The following ZFYVE9 variants were observed in gnomAD, a reference collection of about 807,000 sequenced individuals.
ZFYVE9 encodes the protein zinc finger FYVE domain-containing protein 9.
Under a neutral mutation model 126.7 loss-of-function variants are expected in ZFYVE9, and 43 were observed. That is an observed-to-expected ratio of 0.34 (90% CI 0.27 to 0.44). The LOEUF (loss-of-function observed/expected upper bound fraction) is 0.44, where lower values mean the gene tolerates loss of function less well. Among genes scored for constraint, ZFYVE9 ranks in the 20% least tolerant of loss-of-function variants. The pLI is 1.00. For missense variants in ZFYVE9, 1,476 were observed against 1,697.0 expected, an observed-to-expected ratio of 0.87 and a Z score of 2.29; for synonymous variants, 521 against 597.4, an observed-to-expected ratio of 0.87 and a Z score of 1.87.
Position 52,239,343 on chromosome 1 carries a change from C to T in ZFYVE9, c.1926C>T (p.Val642=), listed in dbSNP as rs146046897. Reference sequence around the variant, plus strand: ...CATCTTTGGGAAACATCTCTAATGTCGATACAAATGGGGAACATTTAGAAA... The same window carrying T: ...CATCTTTGGGAAACATCTCTAATGTTGATACAAATGGGGAACATTTAGAAA... ...CSPSLGNISN[V]DTNGEHLESY... The change falls in exon 4 of 19, where the codon GTC becomes GTT. Residue 642 remains valine (V), a synonymous_variant. Transcript: ENST00000287727. The T allele has an allele frequency of 6.8e-5, 109 of 1,614,146 alleles. No homozygotes were observed. The highest frequency in any genetic ancestry group is 1.9e-4 in the South Asian group (17 of 91,080).
rs772015133 is a variant in ZFYVE9 at position 52,237,671 on chromosome 1, A to T, written c.254A>T (p.Glu85Val). 1.9e-6 allele frequency: 3 copies of T among 1,613,978 alleles called. No homozygotes were observed. The highest frequency in any genetic ancestry group is 4.5e-5 in the East Asian group (2 of 44,894). ...TCAGCTCCCCTGACCACAGAGGAAG[A>T]GGATCACTGTGCTAATGGACAGGAC... ...AHSAPLTTEE[E>V]DHCANGQDCN... The change falls in exon 4 of 19, where the codon GAG (glutamate) becomes GTG (valine). Residue 85 changes from glutamate (E) to valine (V), a missense_variant. Coordinates refer to ENST00000287727, the MANE Select transcript of ZFYVE9 (RefSeq NM_004799.4).
intron 1 of ZFYVE9, chr1:52,150,346 T>C (rs934512323): frequency 2.8e-4 from 42 of 152,320 alleles, no homozygotes; most frequent in African/African-American, 9.6e-4. Flanking sequence ...ACTCCCATGC[T>C]GATCAGTAGT....
intron 15 of ZFYVE9, among the ~76,000 whole-genome samples, chr1:52,336,902 G>A (rs1007214508): frequency 2.8e-5 from 4 of 140,970 alleles, no homozygotes; most frequent in African/African-American, 5.4e-5. Flanking sequence ...CATTATGATC[G>A]TCCCTGTGAA....
At chr1:52,207,026 G>T (rs1644984968) in intron 1 of ZFYVE9, among the ~76,000 whole-genome samples, 1 of 152,350 alleles carries the variant, frequency 6.6e-6, no homozygotes, top group Admixed American at 6.5e-5. Flanking sequence ...GGTGTACTCA[G>T]TTCCATTCAA....
chr1:52,255,938 C>CTTTTCTTTTCTTTTCTT (rs1209126375), intron 4 of ZFYVE9, among the ~76,000 whole-genome samples: 22 of 124,292 alleles, frequency 1.8e-4, no homozygotes, highest in African/African-American at 8.3e-4. Flanking sequence ...CTTTTCTTTT[C>CTTTTCTTTTCTTTTCTT]TTTTCTTTTC....
intron 1 of ZFYVE9, among the ~76,000 whole-genome samples, chr1:52,186,783 A>T (rs1048277252): frequency 1.3e-5 from 2 of 152,204 alleles, no homozygotes; most frequent in Non-Finnish European, 2.9e-5. Flanking sequence ...GATCTCTACA[A>T]TGAGAATTAC....
chr1:52,182,173 G>A (rs562846441), intron 1 of ZFYVE9, among the ~76,000 whole-genome samples: 1 of 152,200 alleles, frequency 6.6e-6, no homozygotes, highest in South Asian at 2.1e-4. Context: ...GGGGAGGTGA[G>A]GGGCGCCTCT....
chr1:52,215,394 T>C (rs112832789), intron 1 of ZFYVE9, among the ~76,000 whole-genome samples: 4 of 152,196 alleles, frequency 2.6e-5, no homozygotes, highest in Non-Finnish European at 4.4e-5. Context: ...TTATTCTTCA[T>C]TGGGTCTTGG....
chr1:52,148,612 A>G (rs1020267160), intron 1 of ZFYVE9, among the ~76,000 whole-genome samples: 20 of 152,060 alleles, frequency 1.3e-4, no homozygotes, highest in African/African-American at 4.8e-4. Context: ...TCAGCTGTAT[A>G]AAAGGCTGTC....
chr1:52,301,438 G>C (rs1228405413), intron 12 of ZFYVE9, among the ~76,000 whole-genome samples: 1 of 151,574 alleles, frequency 6.6e-6, no homozygotes, highest in Non-Finnish European at 1.5e-5. Flanking sequence ...AAGTAGCTGG[G>C]ACTACAGGTA....
At chr1:52,186,809 G>T (rs1370339355) in intron 1 of ZFYVE9, among the ~76,000 whole-genome samples, 1 of 152,088 alleles carries the variant, frequency 6.6e-6, no homozygotes, top group African/African-American at 2.4e-5. Flanking sequence ...ATTGCTCAAA[G>T]AAATCAGAGA....
intron 10 of ZFYVE9, among the ~76,000 whole-genome samples, chr1:52,286,095 G>T (rs940270012): frequency 6.6e-6 from 1 of 151,640 alleles, no homozygotes; most frequent in African/African-American, 2.4e-5. Context: ...GGCAGAGGTT[G>T]CAGTGAGCCA....
At position 52,331,773 on chromosome 1, in the gene ZFYVE9, C is replaced by CTT. The variant is rs1172492745; in HGVS notation, c.3439-982_3439-981dup. 8.7e-4 allele frequency among the ~76,000 whole-genome samples: 116 copies of CTT among 132,758 alleles called. 2 individuals are homozygous for CTT. Among genetic ancestry groups the CTT allele is most frequent in the African/African-American group, 2.3e-3 (82 of 36,362 alleles). The allele number at this position is 132,758 out of a possible 152,430, so 87.1% of individuals were successfully genotyped here. On this transcript the variant is annotated intron_variant, in intron 13 of 18. Coordinates refer to ENST00000287727, the MANE Select transcript of ZFYVE9 (RefSeq NM_004799.4). Reference sequence around the variant, plus strand: ...TCTCAAAAAAAAAAGGTGTCAAACTCTTTTTTTTTTTTTTATTTTTTTTTG... The same window carrying CTT: ...TCTCAAAAAAAAAAGGTGTCAAACTCTTTTTTTTTTTTTTTTATTTTTTTTTG...
chr1:52,176,845 A>G (rs772502473), intron 1 of ZFYVE9, among the ~76,000 whole-genome samples: 3 of 152,156 alleles, frequency 2.0e-5, no homozygotes, highest in Non-Finnish European at 2.9e-5. Flanking sequence ...GCCCGTCAGA[A>G]AAGCGCAGTA....
chr1:52,244,863 T>A lies in ZFYVE9; in HGVS notation c.2178+5268T>A, dbSNP rs958503796. On this transcript the variant is annotated intron_variant, in intron 4 of 18. Transcript: ENST00000287727. ...GTATTTGTTCTTTTTTAAAACAATTTAAAAAAACTTTTAGCTGGATGCAGT... is the reference window on the plus strand; with the variant it reads ...GTATTTGTTCTTTTTTAAAACAATTAAAAAAAACTTTTAGCTGGATGCAGT... Among the ~76,000 whole-genome samples, 5 of 152,156 alleles carry A rather than the reference T, an allele frequency of 3.3e-5. No individual in the cohort carries two copies. In the East Asian group the frequency reaches 5.8e-4, roughly 18 times the overall value.
rs12042094 is a variant in ZFYVE9, at chr1:52,325,070, G to T, written c.3439-7698G>T. Among the ~76,000 whole-genome samples the T allele has an allele frequency of 8.8e-3, 1,340 of 152,310 alleles. 61 individuals are homozygous for T. The East Asian group carries it at 0.11, about 12-fold the overall frequency. ...TGAGGCGGGCGGATCATGAGGTCAGGAGATCAAGACCATCCTGGCTAACAT... is the reference window on the plus strand; with the variant it reads ...TGAGGCGGGCGGATCATGAGGTCAGTAGATCAAGACCATCCTGGCTAACAT... On this transcript the variant is annotated intron_variant, in intron 13 of 18. Coordinates refer to ENST00000287727, the MANE Select transcript of ZFYVE9 (RefSeq NM_004799.4).
intron 13 of ZFYVE9, among the ~76,000 whole-genome samples, chr1:52,308,640 C>G (rs566260465): frequency 3.9e-5 from 6 of 152,210 alleles, no homozygotes; most frequent in Non-Finnish European, 7.4e-5. Flanking sequence ...TCATACTTCC[C>G]CTACTCTTCA....
At chr1:52,314,944 A>G (rs905749734) in intron 13 of ZFYVE9, among the ~76,000 whole-genome samples, 3 of 152,200 alleles carry the variant, frequency 2.0e-5, no homozygotes, top group African/African-American at 4.8e-5. Flanking sequence ...AGATCGTGCC[A>G]CTGAGGCAAA....
chr1:52,317,976 A>G (rs1450327758), intron 13 of ZFYVE9, among the ~76,000 whole-genome samples: 1 of 152,192 alleles, frequency 6.6e-6, no homozygotes. Flanking sequence ...TAACTTAACA[A>G]TGAAGGAAGA....
Sources: gnomAD v4.1 joint callset for allele counts (sites outside exome capture counted in the v4.1 genomes callset) on GRCh38, gnomAD v4.1.1 for gene constraint, MANE v1.5 for transcripts, NCBI Gene and HGNC (gene_info 2026-07-23, HGNC 2026-07-21) for gene names.